Variants in GRM8 observed in about 807,000 individuals in gnomAD.
The protein encoded by GRM8 is metabotropic glutamate receptor 8.
Under a neutral mutation model 87.2 loss-of-function variants are expected in GRM8, and 47 were observed. The observed-to-expected ratio is 0.54, with a 90% CI of 0.43 to 0.69. The LOEUF is 0.69. Among genes scored for constraint, GRM8 ranks in the 30% least tolerant of loss-of-function variants. The pLI is 0.00. For missense variants in GRM8, 1,019 were observed against 1,139.2 expected, an observed-to-expected ratio of 0.89 and a Z score of 1.52; for synonymous variants, 396 against 404.5, an observed-to-expected ratio of 0.98 and a Z score of 0.25.
At chr7:126,906,311 A>G (rs774168246) in intron 3 of GRM8, among the ~76,000 whole-genome samples, 30 of 152,032 alleles carry the variant, frequency 2.0e-4, no homozygotes, top group Non-Finnish European at 2.6e-4. Context: ...AGTATATGAT[A>G]ATTTTTATTT....
chr7:126,586,895 C>T (rs1796188439), intron 8 of GRM8, among the ~76,000 whole-genome samples: 1 of 152,088 alleles, frequency 6.6e-6, no homozygotes, highest in African/African-American at 2.4e-5. Context: ...GAACAGGCAA[C>T]CTACAGAATA....
Position 126,533,470 on chromosome 7 carries a change from A to T in GRM8, c.1912T>A (p.Leu638Ile), listed in dbSNP as rs748503062. ...GIFLCYSITF[L>I]MIAAPDTIIC... is the part of the protein sequence containing the mutation. ...ATTGTATCTGGTGCTGCAATCATTA[A>T]AAACGTGATTGAATAACAGAGAAAA... Residue 638 changes from leucine (L) to isoleucine (I), a missense_variant, in exon 9 of 11, where the codon TTA becomes ATA. Coordinates refer to ENST00000339582, the MANE Select transcript of GRM8 (RefSeq NM_000845.3). The T allele has an allele frequency of 6.2e-7, 1 of 1,614,176 alleles. No individual in the cohort carries two copies. The highest frequency in any genetic ancestry group is 1.1e-5 in the South Asian group (1 of 91,076).
At chr7:126,639,853 C>T (rs951111623) in intron 7 of GRM8, among the ~76,000 whole-genome samples, 18 of 152,178 alleles carry the variant, frequency 1.2e-4, no homozygotes, top group African/African-American at 4.3e-4. Context: ...CAACTAAGCA[C>T]TCTCTAGTTG....
chr7:127,041,625 C>A (rs138356764), intron 3 of GRM8, among the ~76,000 whole-genome samples: 5 of 152,122 alleles, frequency 3.3e-5, no homozygotes, highest in Non-Finnish European at 7.3e-5. Context: ...AAGTTCTCTA[C>A]AGGAATATGG....
intron 9 of GRM8, among the ~76,000 whole-genome samples, chr7:126,531,476 T>A (rs576452260): frequency 1.3e-5 from 2 of 152,340 alleles, no homozygotes; most frequent in Admixed American, 1.3e-4. Context: ...AAATTATGCA[T>A]AACCCCCAGG....
chr7:127,206,985 C>T (rs188752041), intron 2 of GRM8, among the ~76,000 whole-genome samples: 1 of 152,108 alleles, frequency 6.6e-6, no homozygotes. Flanking sequence ...TGGGACATGG[C>T]TTGTGTGACC....
Position 126,885,462 on chromosome 7 carries a change from T to A in GRM8, c.1156+17080A>T, listed in dbSNP as rs532963776. 9.9e-4 allele frequency among the ~76,000 whole-genome samples: 150 copies of A among 152,262 alleles called. 1 individual carries two copies. The highest frequency in any genetic ancestry group is 5.9e-4 in the Non-Finnish European group (40 of 68,014). The stretch of plus-strand genomic sequence containing the variant: ...GACTAACCCCCACAGTCTACTCTTT[T>A]CTTCCCTATCATCTGTGCCCCTAAA... On this transcript the variant is annotated intron_variant, in intron 6 of 10. Coordinates refer to ENST00000339582, the MANE Select transcript of GRM8 (RefSeq NM_000845.3).
At position 126,559,652 on chromosome 7, in the gene GRM8, A is replaced by C. The variant is rs570668204; in HGVS notation, c.1495-25765T>G. Among the ~76,000 whole-genome samples the C allele has an allele frequency of 2.2e-4, 33 of 152,336 alleles. 1 individual carries two copies. The South Asian group carries it at 6.6e-3, about 31-fold the overall frequency. On this transcript the variant is annotated intron_variant, in intron 8 of 10. Transcript: ENST00000339582. ...ATGGCTTAACAACTTATACTGGGAA[A>C]AAAGTGGTGGACAGTGTGTTTAGAA...
chr7:126,695,987 G>C (rs929978500), intron 7 of GRM8, among the ~76,000 whole-genome samples: 2 of 152,066 alleles, frequency 1.3e-5, no homozygotes, highest in Non-Finnish European at 2.9e-5. Context: ...GGAGAGACAG[G>C]GATAAAGAAA....
intron 6 of GRM8, among the ~76,000 whole-genome samples, chr7:126,892,932 CTTCTT>C (rs1159251458): frequency 1.3e-5 from 2 of 152,032 alleles, no homozygotes; most frequent in African/African-American, 4.8e-5. Flanking sequence ...GCATAAATGT[CTTCTT>C]TTGAGAAGTG....
At chr7:127,027,283 T>C (rs1209012547) in intron 3 of GRM8, among the ~76,000 whole-genome samples, 1 of 152,192 alleles carries the variant, frequency 6.6e-6, no homozygotes, top group Non-Finnish European at 1.5e-5. Flanking sequence ...CCTCCAGCTT[T>C]GTTCTTTTTG....
At chr7:126,504,500 T>C (rs1419371604) in intron 9 of GRM8, among the ~76,000 whole-genome samples, 5 of 152,024 alleles carry the variant, frequency 3.3e-5, no homozygotes, top group Non-Finnish European at 7.4e-5. Flanking sequence ...TAATTTTTTA[T>C]GTATCAATAG....
intron 1 of GRM8, chr7:127,250,881 C>T (rs1798827278): frequency 6.6e-6 from 1 of 152,202 alleles, no homozygotes; most frequent in Non-Finnish European, 1.5e-5. Context: ...ATTTTTCTTT[C>T]AAGCAAAATA....
chr7:126,981,592 A>G (rs1277345496), intron 3 of GRM8: 1 of 152,172 alleles, frequency 6.6e-6, no homozygotes, highest in Non-Finnish European at 1.5e-5. Flanking sequence ...TGGATAGACT[A>G]ATCTATTCCT....
intron 7 of GRM8, among the ~76,000 whole-genome samples, chr7:126,709,423 A>G (rs1202760281): frequency 1.3e-5 from 2 of 151,876 alleles, no homozygotes; most frequent in Admixed American, 6.6e-5. Context: ...AAGAAAAAGA[A>G]GAGGAGGAGG....
At chr7:126,509,104 A>G (rs1410472056) in intron 9 of GRM8, among the ~76,000 whole-genome samples, 9 of 152,138 alleles carry the variant, frequency 5.9e-5, no homozygotes, top group Non-Finnish European at 1.3e-4. Context: ...GATGCCCAGA[A>G]TAAATTTGAA....
intron 3 of GRM8, among the ~76,000 whole-genome samples, chr7:127,071,474 T>A (rs1821681190): frequency 6.6e-6 from 1 of 152,156 alleles, no homozygotes; most frequent in African/African-American, 2.4e-5. Context: ...AAGTCAAGCA[T>A]GAAGGTGAAC....
chr7:126,830,054 G>A (rs1315142693), intron 6 of GRM8, among the ~76,000 whole-genome samples: 1 of 152,306 alleles, frequency 6.6e-6, no homozygotes, highest in East Asian at 1.9e-4. Flanking sequence ...GGCTTGTAGA[G>A]TTTCTGCCGA....
intron 6 of GRM8, among the ~76,000 whole-genome samples, chr7:126,813,600 G>C (rs1464131834): frequency 6.6e-6 from 1 of 152,028 alleles, no homozygotes; most frequent in Admixed American, 6.6e-5. Context: ...GCTATTTTTA[G>C]ATCATGTGTC....
Sources: gnomAD v4.1 joint callset for allele counts (sites outside exome capture counted in the v4.1 genomes callset) on GRCh38, gnomAD v4.1.1 for gene constraint, MANE v1.5 for transcripts, NCBI Gene and HGNC (gene_info 2026-07-23, HGNC 2026-07-21) for gene names.